CIMAP1B: variants seen among roughly 807,000 people sequenced by gnomAD.
CIMAP1B encodes the protein orf2 5' to PD-ECGF/TP.
At chr22:50,530,753 T>C in the CIMAP1B span, 1 of 1,610,048 alleles carries the variant, frequency 6.2e-7, no homozygotes, top group Non-Finnish European at 8.5e-7. Flanking sequence ...TTCCGAGTGT[T>C]GTCTTGGGGG....
At chr22:50,530,875 G>A in the CIMAP1B span, 3 of 1,606,366 alleles carry the variant, frequency 1.9e-6, no homozygotes, top group Non-Finnish European at 2.5e-6. Flanking sequence ...AGAGGGTGCT[G>A]GCTGCCGCCT....
At chr22:50,531,825 G>A in the CIMAP1B span, 1 of 1,339,830 alleles carries the variant, frequency 7.5e-7, no homozygotes, top group Non-Finnish European at 9.6e-7. Flanking sequence ...AGCCCCATCT[G>A]CAACACGGAC....
the CIMAP1B span, chr22:50,531,274 G>C: frequency 6.2e-7 from 1 of 1,609,376 alleles, no homozygotes; most frequent in Non-Finnish European, 8.5e-7. Context: ...CGCGTTCCCC[G>C]CTCGCTCCGG....
chr22:50,530,462 C>T, the CIMAP1B span: 1 of 1,581,012 alleles, frequency 6.3e-7, no homozygotes, highest in East Asian at 2.3e-5. Context: ...ACGTGTGGGG[C>T]CGCTCCCGCC....
the CIMAP1B span, chr22:50,531,421 G>C: frequency 4.6e-6 from 5 of 1,098,856 alleles, no homozygotes; most frequent in Non-Finnish European, 6.5e-6. Flanking sequence ...GGGGTTCGGG[G>C]TTTGGGATTT....
At chr22:50,531,853 C>T in the CIMAP1B span, 1 of 1,328,534 alleles carries the variant, frequency 7.5e-7, no homozygotes, top group Non-Finnish European at 9.7e-7. Flanking sequence ...CGGCACAGAC[C>T]CCCTCTCCCC....
At chr22:50,530,652 C>T in the CIMAP1B span, 2 of 1,591,724 alleles carry the variant, frequency 1.3e-6, no homozygotes, top group Non-Finnish European at 1.7e-6. Flanking sequence ...TCCCATCACT[C>T]CGACCTCAGG....
chr22:50,531,497 G>C, the CIMAP1B span: 1 of 1,321,452 alleles, frequency 7.6e-7, no homozygotes, highest in Non-Finnish European at 1.0e-6. Context: ...CGGGGTTCAG[G>C]TCGGGGGTTC....
chr22:50,532,068 C>A, the CIMAP1B span: 1 of 1,366,702 alleles, frequency 7.3e-7, no homozygotes, highest in South Asian at 1.7e-5. Context: ...ACCCAGGCGT[C>A]CGAGCCCATA....
chr22:50,530,922 C>T, the CIMAP1B span: 4 of 1,610,054 alleles, frequency 2.5e-6, no homozygotes, highest in Admixed American at 3.3e-5. Flanking sequence ...GCGTCCGCCC[C>T]GGCCCCTCCC....
chr22:50,531,697 C>T, the CIMAP1B span: 2 of 1,366,094 alleles, frequency 1.5e-6, no homozygotes, highest in South Asian at 3.6e-5. Flanking sequence ...GGCCGCACGT[C>T]GTCTGCTGCG....
chr22:50,530,657 C>T, the CIMAP1B span: 2 of 1,595,828 alleles, frequency 1.3e-6, no homozygotes, highest in Admixed American at 1.7e-5. Flanking sequence ...TCACTCCGAC[C>T]TCAGGCCCTC....
the CIMAP1B span, chr22:50,531,221 A>C: frequency 6.2e-7 from 1 of 1,612,928 alleles, no homozygotes; most frequent in Non-Finnish European, 8.5e-7. Context: ...TGGACACCCC[A>C]GTTTCGGGGA....
chr22:50,530,909 C>G, the CIMAP1B span: 1 of 1,609,310 alleles, frequency 6.2e-7, no homozygotes, highest in Non-Finnish European at 8.5e-7. Flanking sequence ...CCAGGGACCC[C>G]CTGCGTCCGC....
the CIMAP1B span, chr22:50,531,375 G>A: frequency 8.0e-7 from 1 of 1,244,570 alleles, no homozygotes; most frequent in Non-Finnish European, 1.1e-6. Flanking sequence ...CCTGGGACTA[G>A]TGGGGAGTCT....
At chr22:50,530,862 G>A in the CIMAP1B span, 107 of 1,605,588 alleles carry the variant, frequency 6.7e-5, 2 homozygotes, top group East Asian at 2.3e-3. Flanking sequence ...TCTGCGAGAG[G>A]GCAGAGGGTG....
chr22:50,531,126 G>C, the CIMAP1B span: 2 of 1,587,160 alleles, frequency 1.3e-6, no homozygotes, highest in African/African-American at 2.7e-5. Flanking sequence ...CCCAGCTCCC[G>C]GAGGGCGGTC....
the CIMAP1B span, chr22:50,532,059 C>A: frequency 7.4e-7 from 1 of 1,350,000 alleles, no homozygotes; most frequent in African/African-American, 1.5e-5. Context: ...CAAAGGCCCA[C>A]CCAGGCGTCC....
chr22:50,531,075 G>A, the CIMAP1B span: 1 of 1,604,170 alleles, frequency 6.2e-7, no homozygotes, highest in South Asian at 1.1e-5. Flanking sequence ...AGGAGGCAGG[G>A]CTCGGGGGTA....
Sources: allele counts gnomAD v4.1 joint callset, GRCh38; gene constraint gnomAD v4.1.1; transcripts MANE v1.5; gene names NCBI Gene and HGNC (gene_info 2026-07-23, HGNC 2026-07-21).